The following SV2C variants were observed in gnomAD, a reference collection of about 807,000 sequenced individuals.
SV2C encodes the protein synaptic vesicle glycoprotein 2C, also known as solute carrier family 22 member B3.
SV2C carries 49 observed loss-of-function variants against 79.7 expected under a neutral mutation model. That is an observed-to-expected ratio of 0.61 (90% CI 0.49 to 0.78). The LOEUF is 0.78. Ranked by LOEUF, SV2C falls within the 30% of genes least tolerant of loss-of-function variation. The pLI is 0.00. For missense variants in SV2C, 833 were observed against 912.9 expected (o/e 0.91, Z 1.13); for synonymous variants, 334 against 333.2 (o/e 1.00, Z -0.03).
upstream of SV2C, among the ~76,000 whole-genome samples, chr5:76,082,558 CCTTT>C (rs142801822): frequency 0.034 from 5,156 of 151,370 alleles, 310 homozygotes; most frequent in African/African-American, 0.12. Flanking sequence ...CCCTCCTCCT[CCTTT>C]CTTTCTTTCT....
At chr5:75,906,756 G>A in the SV2C span, among the ~76,000 whole-genome samples, 1 of 152,158 alleles carries the variant, frequency 6.6e-6, no homozygotes, top group Non-Finnish European at 1.5e-5. Context: ...ATGCAGGCAA[G>A]TCCAGTTTAT....
the SV2C span, among the ~76,000 whole-genome samples, chr5:75,912,447 G>A: frequency 6.6e-5 from 10 of 152,056 alleles, no homozygotes; most frequent in South Asian, 2.1e-4. Flanking sequence ...GGGGTGGAGC[G>A]TTGTACTCTA....
chr5:75,984,536 CCTATCTATCTAT>C, the SV2C span, among the ~76,000 whole-genome samples: 232 of 145,088 alleles, frequency 1.6e-3, no homozygotes, highest in African/African-American at 3.5e-3. Flanking sequence ...GATCTATCTG[CCTATCTATCTAT>C]CTATCTATCT....
the SV2C span, among the ~76,000 whole-genome samples, chr5:76,034,556 G>A: frequency 1.3e-5 from 2 of 152,138 alleles, no homozygotes; most frequent in Non-Finnish European, 2.9e-5. Flanking sequence ...TACATTTATT[G>A]ATTTGCGTAT....
intron 2 of SV2C, among the ~76,000 whole-genome samples, chr5:76,146,012 G>A (rs183521642): frequency 6.6e-6 from 1 of 152,290 alleles, no homozygotes; most frequent in East Asian, 1.9e-4. Flanking sequence ...TCTCTTAGGG[G>A]TTCATGTGGA....
chr5:75,917,586 T>C, the SV2C span, among the ~76,000 whole-genome samples: 1 of 152,174 alleles, frequency 6.6e-6, no homozygotes, highest in African/African-American at 2.4e-5. Flanking sequence ...TATTAGGTGT[T>C]CTCATTTATT....
chr5:76,249,582 T>C (rs1184511266), intron 4 of SV2C, among the ~76,000 whole-genome samples: 1 of 152,198 alleles, frequency 6.6e-6, no homozygotes, highest in Non-Finnish European at 1.5e-5. Context: ...CAGCAGCTGC[T>C]TTTATTTGGT....
the SV2C span, among the ~76,000 whole-genome samples, chr5:75,890,904 A>G: frequency 1.3e-5 from 2 of 151,906 alleles, no homozygotes; most frequent in Non-Finnish European, 2.9e-5. Flanking sequence ...TTCCCCTACC[A>G]TTTGTTTCTG....
At chr5:76,035,449 G>A in the SV2C span, among the ~76,000 whole-genome samples, 1 of 151,892 alleles carries the variant, frequency 6.6e-6, no homozygotes, top group East Asian at 1.9e-4. Flanking sequence ...GGTATGTTGT[G>A]TCTTTGTTCT....
chr5:76,155,944 A>G (rs911624827), intron 2 of SV2C, among the ~76,000 whole-genome samples: 2 of 4,656 alleles, frequency 4.3e-4, no homozygotes, highest in Non-Finnish European at 1.6e-3. Flanking sequence ...GTTTCTCTCA[A>G]AAAAAAAAAA....
At chr5:76,287,779 C>T (rs577599891) in intron 6 of SV2C, among the ~76,000 whole-genome samples, 5 of 152,178 alleles carry the variant, frequency 3.3e-5, no homozygotes, top group African/African-American at 4.8e-5. Context: ...TTTCAATATA[C>T]GCAGTCATAT....
At chr5:75,886,051 G>A in the SV2C span, among the ~76,000 whole-genome samples, 1 of 152,054 alleles carries the variant, frequency 6.6e-6, no homozygotes, top group South Asian at 2.1e-4. Context: ...CCTCTATACT[G>A]TTTGCATGGA....
chr5:76,308,846 G>A (rs1053172726), intron 12 of SV2C, among the ~76,000 whole-genome samples: 9 of 152,104 alleles, frequency 5.9e-5, no homozygotes, highest in African/African-American at 1.9e-4. Flanking sequence ...TTCCATCTCG[G>A]TGTGAATTTT....
At chr5:76,159,540 G>A (rs578007055) in intron 2 of SV2C, among the ~76,000 whole-genome samples, 2 of 152,246 alleles carry the variant, frequency 1.3e-5, no homozygotes, top group South Asian at 4.1e-4. Flanking sequence ...AACTCAAGGT[G>A]TTGGGAGTCC....
the SV2C span, among the ~76,000 whole-genome samples, chr5:76,002,031 T>C: frequency 1.3e-5 from 2 of 152,068 alleles, no homozygotes; most frequent in Non-Finnish European, 2.9e-5. Flanking sequence ...CCCCCACTTA[T>C]AAGTGAGAAC....
At chr5:76,196,414 T>C (rs778814462) in intron 3 of SV2C, among the ~76,000 whole-genome samples, 6 of 152,158 alleles carry the variant, frequency 3.9e-5, no homozygotes, top group African/African-American at 7.2e-5. Context: ...AGAGGAGGCT[T>C]TTTCTCCACA....
chr5:76,134,709 A>T (rs1357599715), intron 2 of SV2C, among the ~76,000 whole-genome samples: 5 of 152,192 alleles, frequency 3.3e-5, no homozygotes, highest in Non-Finnish European at 7.3e-5. Context: ...ATCTGTGTAT[A>T]TAGTCTGTGT....
At chr5:76,201,237 T>G (rs1744432198) in intron 3 of SV2C, among the ~76,000 whole-genome samples, 1 of 152,156 alleles carries the variant, frequency 6.6e-6, no homozygotes, top group Non-Finnish European at 1.5e-5. Flanking sequence ...CCTCCCCTCT[T>G]TTGTTATAGA....
the SV2C span, among the ~76,000 whole-genome samples, chr5:76,002,661 C>G: frequency 7.2e-5 from 11 of 152,072 alleles, no homozygotes; most frequent in African/African-American, 2.4e-4. Context: ...GGTGAAGCCT[C>G]TTTGTGCATT....
Sources: gnomAD v4.1 joint callset for allele counts (sites outside exome capture counted in the v4.1 genomes callset) on GRCh38, gnomAD v4.1.1 for gene constraint, MANE v1.5 for transcripts, NCBI Gene and HGNC (gene_info 2026-07-23, HGNC 2026-07-21) for gene names.